The following EIF3H variants were observed in gnomAD, a reference collection of about 807,000 sequenced individuals.
EIF3H encodes eIF-3-gamma.
In EIF3H, 26 loss-of-function variants were observed where a neutral mutation model predicts 44.2. The observed-to-expected ratio is 0.59, with a 90% CI of 0.43 to 0.82. EIF3H has a LOEUF of 0.82. EIF3H is among the 40% of genes least tolerant of loss of function. The pLI is 0.00. For synonymous variants in EIF3H, 166 were observed against 151.9 expected (o/e 1.09, Z -0.68); for missense variants, 359 against 432.8 (o/e 0.83, Z 1.51).
chr8:116,718,589 T>C (rs1235982663), intron 2 of EIF3H, among the ~76,000 whole-genome samples: 8 of 152,070 alleles, frequency 5.3e-5, no homozygotes, highest in South Asian at 2.1e-4. Context: ...TGGATGGAAT[T>C]AGAAATCATT....
chr8:116,671,536 A>C (rs1813754883), intron 2 of EIF3H, among the ~76,000 whole-genome samples: 1 of 152,200 alleles, frequency 6.6e-6, no homozygotes, highest in African/African-American at 2.4e-5. Flanking sequence ...AAAATCAGAA[A>C]GAATGAATTC....
intron 7 of EIF3H, 75 bp downstream of exon 7, chr8:116,646,392 CTGTT>C (rs1336366402): frequency 6.3e-7 from 1 of 1,596,894 alleles, no homozygotes; most frequent in African/African-American, 1.3e-5. Context: ...GCATGCTTTT[CTGTT>C]TGTAAATTTC....
At chr8:116,742,484 G>A (rs1162019493) in intron 1 of EIF3H, among the ~76,000 whole-genome samples, 1 of 152,102 alleles carries the variant, frequency 6.6e-6, no homozygotes, top group African/African-American at 2.4e-5. Context: ...ACATGTACCT[G>A]GTTGGTAATT....
At chr8:116,680,647 T>C (rs553180857) in intron 2 of EIF3H, among the ~76,000 whole-genome samples, 100 of 127,084 alleles carry the variant, frequency 7.9e-4, no homozygotes, top group African/African-American at 3.0e-3. Context: ...TTAAGAGTCA[T>C]CACCACTCCC....
At chr8:116,721,629 C>A (rs1342756046) in intron 2 of EIF3H, among the ~76,000 whole-genome samples, 1 of 152,248 alleles carries the variant, frequency 6.6e-6, no homozygotes, top group Non-Finnish European at 1.5e-5. Context: ...CCCTGCAATG[C>A]CACAGGGGCA....
chr8:116,660,031 T>C (rs1224953447), intron 2 of EIF3H, among the ~76,000 whole-genome samples: 2 of 152,006 alleles, frequency 1.3e-5, no homozygotes, highest in African/African-American at 4.8e-5. Flanking sequence ...GGACTACAGG[T>C]GTGAACCACC....
intron 2 of EIF3H, among the ~76,000 whole-genome samples, chr8:116,671,491 C>T (rs536599914): frequency 9.9e-4 from 151 of 152,242 alleles, no homozygotes; most frequent in Non-Finnish European, 1.7e-3. Context: ...TAGACCAACG[C>T]GTTAAATGGC....
intron 2 of EIF3H, among the ~76,000 whole-genome samples, chr8:116,676,682 A>T (rs946921879): frequency 2.0e-5 from 3 of 152,248 alleles, no homozygotes; most frequent in Non-Finnish European, 4.4e-5. Flanking sequence ...TTACTAATGT[A>T]AATGGCAAGG....
At chr8:116,723,996 C>T (rs1311846059) in intron 2 of EIF3H, among the ~76,000 whole-genome samples, 1 of 152,086 alleles carries the variant, frequency 6.6e-6, no homozygotes, top group African/African-American at 2.4e-5. Context: ...CTCAAAGGAC[C>T]CTGAATAGGC....
intron 1 of EIF3H, among the ~76,000 whole-genome samples, chr8:116,739,833 T>C (rs1311674587): frequency 6.6e-6 from 1 of 152,180 alleles, no homozygotes; most frequent in Non-Finnish European, 1.5e-5. Flanking sequence ...GCAACTCTGG[T>C]TACAGGAAGA....
At chr8:116,689,125 T>C (rs542773891) in intron 2 of EIF3H, 9 of 447,446 alleles carry the variant, frequency 2.0e-5, no homozygotes, top group Non-Finnish European at 4.0e-5. Context: ...TGATGTATGC[T>C]GCACTATGAA....
chr8:116,763,234 A>G (rs1815535419), intron 1 of EIF3H, among the ~76,000 whole-genome samples: 1 of 152,224 alleles, frequency 6.6e-6, no homozygotes, highest in Admixed American at 6.5e-5. Flanking sequence ...GAATTGTTAA[A>G]TATGATTCAA....
At chr8:116,755,518 A>G in intron 1 of EIF3H, 148 bp downstream of exon 1, 1 of 1,054,016 alleles carries the variant, frequency 9.5e-7, no homozygotes, top group Non-Finnish European at 1.3e-6. Flanking sequence ...CTGAACAAAA[A>G]GTGAAGATGA....
chr8:116,722,945 A>G (rs1814775919), intron 2 of EIF3H, among the ~76,000 whole-genome samples: 1 of 152,220 alleles, frequency 6.6e-6, no homozygotes, highest in Admixed American at 6.5e-5. Flanking sequence ...AATAAAGTAC[A>G]TGTTCGTGAA....
intron 5 of EIF3H, among the ~76,000 whole-genome samples, chr8:116,649,591 T>G (rs1813357354): frequency 6.6e-6 from 1 of 152,178 alleles, no homozygotes; most frequent in Non-Finnish European, 1.5e-5. Flanking sequence ...CCTACCATGG[T>G]AACGCCTGGA....
intron 1 of EIF3H, 122 bp downstream of exon 1, chr8:116,755,544 G>C (rs1213237481): frequency 6.8e-6 from 9 of 1,316,466 alleles, no homozygotes; most frequent in Non-Finnish European, 5.2e-6. Flanking sequence ...AAACGTACTA[G>C]GGAAAAACTT....
At chr8:116,659,086 G>T in intron 2 of EIF3H, 106 bp from the exon 3 acceptor site, 1 of 914,518 alleles carries the variant, frequency 1.1e-6, no homozygotes, top group Non-Finnish European at 1.6e-6. Context: ...CAATTTATTA[G>T]CAATAGGGAA....
chr8:116,684,984 C>T (rs994912031), intron 2 of EIF3H, among the ~76,000 whole-genome samples: 1 of 152,122 alleles, frequency 6.6e-6, no homozygotes, highest in Non-Finnish European at 1.5e-5. Flanking sequence ...AGGGATACTT[C>T]TTAAAAGGTA....
chr8:116,707,637 CCTCT>C (rs911438624), intron 2 of EIF3H, among the ~76,000 whole-genome samples: 1 of 152,036 alleles, frequency 6.6e-6, no homozygotes, highest in Non-Finnish European at 1.5e-5. Flanking sequence ...GTCATTTCTA[CCTCT>C]CTCTAGTGTT....
Sources: gnomAD v4.1 joint callset for allele counts (sites outside exome capture counted in the v4.1 genomes callset) on GRCh38, gnomAD v4.1.1 for gene constraint, MANE v1.5 for transcripts, NCBI Gene and HGNC (gene_info 2026-07-23, HGNC 2026-07-21) for gene names.